HFM1: variants seen among roughly 807,000 people sequenced by gnomAD.
HFM1 encodes the protein helicase for meiosis 1, also known as probable ATP-dependent DNA helicase HFM1.
A neutral mutation model predicts 192.1 loss-of-function variants in HFM1; 169 were observed. The ratio of observed to expected loss-of-function variants is 0.88; its 90% CI spans 0.78 to 1.00. The LOEUF (loss-of-function observed/expected upper bound fraction) is 1.00. Ranked by LOEUF, HFM1 falls within the 50% of genes least tolerant of loss-of-function variation. HFM1 has a pLI of 0.00. For missense variants in HFM1, 1,661 were observed against 1,668.0 expected, an observed-to-expected ratio of 1.00 and a Z score of 0.07; for synonymous variants, 525 against 537.8, an observed-to-expected ratio of 0.98 and a Z score of 0.33.
chr1:91,401,299 C>G (rs17131428), intron 1 of HFM1, among the ~76,000 whole-genome samples, 190 bp from the exon 2 acceptor site: 15,541 of 152,214 alleles, frequency 0.1, 870 homozygotes, highest in Middle Eastern at 0.16. Flanking sequence ...TCCATTCATT[C>G]ATGGATTCAC....
chr1:91,328,614 C>T, intron 20 of HFM1: 1 of 1,598,950 alleles, frequency 6.3e-7, no homozygotes, highest in East Asian at 2.2e-5. Context: ...TGGAGAACGG[C>T]ATCAAGCCCA....
intron 35 of HFM1, among the ~76,000 whole-genome samples, chr1:91,266,658 A>G (rs1665795508): frequency 6.6e-6 from 1 of 152,150 alleles, no homozygotes; most frequent in African/African-American, 2.4e-5. Context: ...TACATGGGGG[A>G]AAATGGCACT....
chr1:91,299,606 A>C (rs1557809125), intron 30 of HFM1, among the ~76,000 whole-genome samples: 1 of 152,194 alleles, frequency 6.6e-6, no homozygotes, highest in Non-Finnish European at 1.5e-5. Flanking sequence ...AGTGCAATCA[A>C]ACTAGAACTC....
At chr1:91,407,708 T>C (rs1168408505), upstream of HFM1, among the ~76,000 whole-genome samples, 1 of 152,252 alleles carries the variant, frequency 6.6e-6, no homozygotes. Context: ...TGAATAATGC[T>C]TCTATGAACA....
chr1:91,358,049 A>G (rs1459065395), intron 13 of HFM1, among the ~76,000 whole-genome samples: 1 of 152,182 alleles, frequency 6.6e-6, no homozygotes, highest in Non-Finnish European at 1.5e-5. Context: ...TACAATCCCT[A>G]TCAAAATTCC....
chr1:91,362,168 AAC>A lies in HFM1; in HGVS notation c.1686-8871_1686-8870del, dbSNP rs1288018906. ...ATCCCTTCTCTCACCACTCCTATTC[AAC>A]ACAGTTTTGGAAGTTCTGGCAAGGG... On this transcript the variant is annotated intron_variant, in intron 13 of 38. Transcript: ENST00000370425. Among the ~76,000 whole-genome samples, 7 of 152,294 alleles carry A rather than the reference AAC, an allele frequency of 4.6e-5. No individual in the cohort carries two copies. In the South Asian group the frequency reaches 6.2e-4, roughly 14 times the overall value.
intron 20 of HFM1, among the ~76,000 whole-genome samples, chr1:91,341,175 C>G (rs1655275094): frequency 6.6e-6 from 1 of 152,202 alleles, no homozygotes; most frequent in East Asian, 1.9e-4. Context: ...ACTCTAAAAT[C>G]AACCACACAT....
intron 2 of HFM1, among the ~76,000 whole-genome samples, chr1:91,396,932 A>T (rs182191499): frequency 6.6e-6 from 1 of 152,260 alleles, no homozygotes; most frequent in African/African-American, 2.4e-5. Flanking sequence ...CTGAGCTCTG[A>T]CTTCTGTCAG....
chr1:91,365,968 GAA>G (rs11329587), intron 13 of HFM1, among the ~76,000 whole-genome samples: 2,760 of 124,882 alleles, frequency 0.022, 38 homozygotes, highest in Non-Finnish European at 0.033. Flanking sequence ...GTATGTTCCT[GAA>G]AAAAAAAAAA....
chr1:91,350,796 C>T lies in HFM1; in HGVS notation c.2148G>A (p.Val716=), dbSNP rs1423246142. The part of the protein sequence containing the change: ...LHTITDVNIA[V]EWIRSTLLYI... ...AAAGCAGAGTTGATCGTATCCATTCCACAGCAATATTCACATCCGTGATGG... is the reference window on the plus strand; with the variant it reads ...AAAGCAGAGTTGATCGTATCCATTCTACAGCAATATTCACATCCGTGATGG... Residue 716 remains valine, a synonymous_variant, in exon 18 of 39, where the codon GTG becomes GTA. Coordinates refer to ENST00000370425, the MANE Select transcript of HFM1 (RefSeq NM_001017975.6). 2 of 1,610,138 alleles carry T rather than the reference C, an allele frequency of 1.2e-6. No homozygotes were observed. Among genetic ancestry groups the T allele is most frequent in the Non-Finnish European group, 1.7e-6 (2 of 1,177,558 alleles).
chr1:91,329,153 C>T (rs938131695), intron 20 of HFM1: 4 of 1,609,454 alleles, frequency 2.5e-6, no homozygotes, highest in Admixed American at 1.7e-5. Context: ...TCGAGGAGAT[C>T]GTGCAGCGAC....
chr1:91,297,938 G>A (rs900443839), intron 30 of HFM1, among the ~76,000 whole-genome samples: 11 of 152,218 alleles, frequency 7.2e-5, no homozygotes, highest in Non-Finnish European at 1.3e-4. Flanking sequence ...AAAGCTGGAC[G>A]GAGAATGACT....
chr1:91,395,042 G>A (rs1663484776), intron 3 of HFM1, among the ~76,000 whole-genome samples: 1 of 151,806 alleles, frequency 6.6e-6, no homozygotes, highest in East Asian at 1.9e-4. Context: ...TAACATATAT[G>A]TAAATTACAA....
At chr1:91,351,668 T>A (rs1390652760) in intron 16 of HFM1, 25 bp from the exon 17 acceptor site, 2 of 1,319,732 alleles carry the variant, frequency 1.5e-6, no homozygotes, top group Non-Finnish European at 2.2e-6. Context: ...AACAGAAATT[T>A]AGTGAAGAAG....
intron 30 of HFM1, among the ~76,000 whole-genome samples, chr1:91,290,160 A>G (rs1668570542): frequency 6.6e-6 from 1 of 152,194 alleles, no homozygotes; most frequent in South Asian, 2.1e-4. Flanking sequence ...CAAAATAACC[A>G]GCTAACATCA....
intron 30 of HFM1, among the ~76,000 whole-genome samples, chr1:91,310,288 G>GAA (rs1050025146): frequency 6.6e-6 from 1 of 150,448 alleles, no homozygotes; most frequent in Admixed American, 6.6e-5. Context: ...AATATGGATG[G>GAA]AAAAAAAAAC....
intron 13 of HFM1, among the ~76,000 whole-genome samples, chr1:91,372,288 C>A (rs986104760): frequency 1.3e-5 from 2 of 152,132 alleles, no homozygotes; most frequent in African/African-American, 4.8e-5. Context: ...CACATGTGCA[C>A]GTGTGTTTAT....
At chr1:91,366,323 A>C (rs1437586483) in intron 13 of HFM1, among the ~76,000 whole-genome samples, 1 of 152,172 alleles carries the variant, frequency 6.6e-6, no homozygotes, top group Non-Finnish European at 1.5e-5. Flanking sequence ...CTGCCATTGC[A>C]CAAAGAATTC....
intron 30 of HFM1, among the ~76,000 whole-genome samples, chr1:91,298,709 G>A (rs905972192): frequency 8.5e-5 from 13 of 152,202 alleles, no homozygotes; most frequent in East Asian, 1.9e-4. Flanking sequence ...TGAAGGAGAA[G>A]TAAAATCCTT....
Sources: gnomAD v4.1 joint callset for allele counts (sites outside exome capture counted in the v4.1 genomes callset) on GRCh38, gnomAD v4.1.1 for gene constraint, MANE v1.5 for transcripts, NCBI Gene and HGNC (gene_info 2026-07-23, HGNC 2026-07-21) for gene names.